The following PCDHGB3 variants were observed in gnomAD, a reference collection of about 807,000 sequenced individuals.
PCDHGB3 encodes the protein protocadherin gamma subfamily B, 3, also known as protocadherin gamma-B3.
PCDHGB3 carries 40 observed loss-of-function variants against 59.2 expected under a neutral mutation model. The ratio of observed to expected loss-of-function variants is 0.68; its 90% CI spans 0.52 to 0.88. The LOEUF (loss-of-function observed/expected upper bound fraction) is 0.88, where lower values mean the gene tolerates loss of function less well. Ranked by LOEUF, PCDHGB3 falls within the 40% of genes least tolerant of loss-of-function variation. The pLI, the probability that PCDHGB3 is intolerant of heterozygous loss-of-function variation, is 0.00. For synonymous variants in PCDHGB3, 581 were observed against 503.6 expected (o/e 1.15, Z -2.06); for missense variants, 1,309 against 1,187.9 (o/e 1.10, Z -1.50).
intron 1 of PCDHGB3, among the ~76,000 whole-genome samples, chr5:141,456,538 A>T (rs1010588747): frequency 7.2e-5 from 11 of 152,184 alleles, no homozygotes; most frequent in Admixed American, 3.3e-4. Context: ...TTAAAGAGGG[A>T]TTGTAGCCAC....
intron 1 of PCDHGB3, chr5:141,410,847 G>GTA: frequency 1.9e-5 from 3 of 158,244 alleles, no homozygotes; most frequent in East Asian, 1.3e-4. Flanking sequence ...TTTTGTCTTT[G>GTA]TCTTTTTTTT....
At chr5:141,395,070 T>C (rs1222192652) in intron 1 of PCDHGB3, 1 of 1,614,158 alleles carries the variant, frequency 6.2e-7, no homozygotes, top group Non-Finnish European at 8.5e-7. Context: ...CCTGCAGACC[T>C]ATTCCCAGGA....
At chr5:141,420,474 C>T in intron 1 of PCDHGB3, 1 of 677,328 alleles carries the variant, frequency 1.5e-6, no homozygotes, top group Non-Finnish European at 2.1e-6. Context: ...CATTTTAAAG[C>T]AAACTACATG....
intron 1 of PCDHGB3, chr5:141,418,485 A>T: frequency 6.2e-7 from 1 of 1,614,028 alleles, no homozygotes; most frequent in Non-Finnish European, 8.5e-7. Flanking sequence ...AGCGCTCACC[A>T]CTTGGTACTG....
chr5:141,476,046 C>T lies in PCDHGB3; in HGVS notation c.2416-18761C>T. 6.7e-7 allele frequency: 1 copy of T among 1,491,396 alleles called. No individual in the cohort carries two copies. Among genetic ancestry groups the T allele is most frequent in the Non-Finnish European group, 8.9e-7 (1 of 1,122,928 alleles). 92.4% of individuals were successfully genotyped at this position (1,491,396 alleles called of 1,614,324 possible). On this transcript the variant is annotated intron_variant, in intron 1 of 3. Coordinates refer to ENST00000576222, the MANE Select transcript of PCDHGB3 (RefSeq NM_018924.5). This position sits in a 1 kb window ranked among gnomAD's most constrained non-coding sequence, Gnocchi z 7.6. ...CGGCGCCCAGCGCCCAAGCGCTAAC[C>T]CGCTGAAAGTTTCTCAGCGAAATCT...
At chr5:141,393,094 A>T in intron 1 of PCDHGB3, 4 of 1,613,606 alleles carry the variant, frequency 2.5e-6, no homozygotes, top group Non-Finnish European at 3.4e-6. Flanking sequence ...GATCGGGAGG[A>T]GCTCTGCGCT....
Position 141,439,149 on chromosome 5 carries a change from C to T in PCDHGB3, c.2416-55658C>T, listed in dbSNP as rs543388568. Reference sequence around the variant, plus strand: ...CAGAGGTTGCAGTGAGCTGAGATCACGCCACTGCACTCCAGCCTGGGCGAC... The same window carrying T: ...CAGAGGTTGCAGTGAGCTGAGATCATGCCACTGCACTCCAGCCTGGGCGAC... On this transcript the variant is annotated intron_variant, in intron 1 of 3. Transcript: ENST00000576222. Among the ~76,000 whole-genome samples, 165 of 150,018 alleles carry T rather than the reference C, an allele frequency of 1.1e-3. 1 individual carries two copies. In the Middle Eastern group the frequency reaches 0.017, roughly 16 times the overall value.
chr5:141,370,888 A>G lies in PCDHGB3; in HGVS notation c.494A>G (p.Asn165Ser). ...GCGCAAGATCCTGATGTAGGTGTCA[A>G]TTCGCTGCAGCAGTACTACCTCAGC... is the stretch of plus-strand genomic sequence containing the variant. ...ESAQDPDVGV[N>S]SLQQYYLSPD... The change falls in exon 1 of 4, where the codon AAT becomes AGT. Residue 165 changes from asparagine (N) to serine (S), a missense_variant. Transcript: ENST00000576222. The G allele has an allele frequency of 6.2e-7, 1 of 1,614,036 alleles. No homozygotes were observed. Among genetic ancestry groups the G allele is most frequent in the Non-Finnish European group, 8.5e-7 (1 of 1,179,898 alleles).
chr5:141,490,421 C>T lies in PCDHGB3; in HGVS notation c.2416-4386C>T. On this transcript the variant is annotated intron_variant, in intron 1 of 3. Coordinates refer to ENST00000576222, the MANE Select transcript of PCDHGB3 (RefSeq NM_018924.5). The surrounding 1 kb of genome is among the most constrained non-coding windows in gnomAD (Gnocchi z 5.4). ...AGCCTTGATATCTCTCCGGACCTGCCATTTCAGATTAAGCCTTCTGAGAAC... is the reference window on the plus strand; with the variant it reads ...AGCCTTGATATCTCTCCGGACCTGCTATTTCAGATTAAGCCTTCTGAGAAC... 1 of 1,614,192 alleles carries T rather than the reference C, an allele frequency of 6.2e-7. No homozygotes were observed. The highest frequency in any genetic ancestry group is 8.5e-7 in the Non-Finnish European group (1 of 1,180,016).
intron 2 of PCDHGB3, among the ~76,000 whole-genome samples, chr5:141,500,324 T>G (rs1165047676): frequency 6.6e-6 from 1 of 151,994 alleles, no homozygotes; most frequent in African/African-American, 2.4e-5. Flanking sequence ...TGCTCCTGCC[T>G]CAGCCTCCAG....
chr5:141,395,034 G>C, intron 1 of PCDHGB3: 1 of 1,614,150 alleles, frequency 6.2e-7, no homozygotes, highest in South Asian at 1.1e-5. Flanking sequence ...CTCACATTTT[G>C]TGGGTGTTGA....
chr5:141,459,486 G>A (rs764885682), intron 1 of PCDHGB3, among the ~76,000 whole-genome samples: 8 of 152,154 alleles, frequency 5.3e-5, no homozygotes, highest in Admixed American at 3.9e-4. Context: ...GTGCTATTCT[G>A]AATTAAAGTG....
intron 1 of PCDHGB3, chr5:141,478,446 G>A: frequency 6.2e-7 from 1 of 1,613,520 alleles, no homozygotes; most frequent in Non-Finnish European, 8.5e-7. Flanking sequence ...AAGAAACCTG[G>A]TGCAGCCAGT....
Position 141,431,264 on chromosome 5 carries a change from A to T in PCDHGB3, c.2415+58455A>T. The T allele has an allele frequency of 6.2e-7, 1 of 1,614,170 alleles. No individual in the cohort carries two copies. On this transcript the variant is annotated intron_variant, in intron 1 of 3. Coordinates refer to ENST00000576222, the MANE Select transcript of PCDHGB3 (RefSeq NM_018924.5). This position sits in a 1 kb window ranked among gnomAD's most constrained non-coding sequence, Gnocchi z 4.8. ...GGATATCGGGAAGAACTCTCTGCAG[A>T]GCTACGAGCTCAGCCCGAACACTCA...
chr5:141,405,444 G>A, intron 1 of PCDHGB3: 1 of 1,379,466 alleles, frequency 7.2e-7, no homozygotes, highest in South Asian at 1.3e-5. Flanking sequence ...TTTTGAGACA[G>A]AGTCTTACTC....
chr5:141,419,075 A>G, intron 1 of PCDHGB3: 1 of 1,613,968 alleles, frequency 6.2e-7, no homozygotes, highest in Non-Finnish European at 8.5e-7. Context: ...CAAGCTAGTA[A>G]CAGATGAGGC....
At chr5:141,433,646 A>G (rs2097639113) in intron 1 of PCDHGB3, among the ~76,000 whole-genome samples, 1 of 152,012 alleles carries the variant, frequency 6.6e-6, no homozygotes, top group Non-Finnish European at 1.5e-5. Flanking sequence ...GACCAGCCTG[A>G]CCAACATGGA....
rs1193620622 is a variant in PCDHGB3, at chr5:141,512,906, G to A, written c.*1733G>A. On this transcript the variant is annotated 3_prime_UTR_variant, in exon 4 of 4. Coordinates refer to ENST00000576222, the MANE Select transcript of PCDHGB3 (RefSeq NM_018924.5). ...CACCCTCTTCCTGTGTCTCACGCAA[G>A]TTTTATACTCTAATATTTATATGGC... 2.0e-5 allele frequency: 3 copies of A among 152,206 alleles called. No homozygotes were observed. Among genetic ancestry groups the A allele is most frequent in the African/African-American group, 7.2e-5 (3 of 41,438 alleles). The allele number at this position is 152,206 out of a possible 1,614,324, so 9.4% of individuals were successfully genotyped here.
At chr5:141,385,552 T>C in intron 1 of PCDHGB3, 2 of 1,315,868 alleles carry the variant, frequency 1.5e-6, no homozygotes, top group Non-Finnish European at 9.7e-7. Flanking sequence ...ACTATCACAT[T>C]TTATAATTTC....
Sources: allele counts gnomAD v4.1 joint callset (sites outside exome capture counted in the v4.1 genomes callset), GRCh38; gene constraint gnomAD v4.1.1; non-coding constraint Gnocchi (gnomAD v3.1); transcripts MANE v1.5; gene names NCBI Gene and HGNC (gene_info 2026-07-23, HGNC 2026-07-21).